HKDC1: variants seen among roughly 807,000 people sequenced by gnomAD.
HKDC1 encodes the protein hexokinase HKDC1.
In HKDC1, 66 loss-of-function variants were observed where a neutral mutation model predicts 96.6. The observed-to-expected ratio is 0.68, with a 90% CI of 0.56 to 0.84. HKDC1 has a LOEUF of 0.84. Ranked by LOEUF, HKDC1 falls within the 40% of genes least tolerant of loss-of-function variation. The pLI is 0.00. For synonymous variants in HKDC1, 466 were observed against 473.1 expected, an observed-to-expected ratio of 0.98 and a Z score of 0.20; for missense variants, 1,211 against 1,208.1, an observed-to-expected ratio of 1.00 and a Z score of -0.04.
At chr10:69,245,325 C>T (rs1004973340) in intron 7 of HKDC1, among the ~76,000 whole-genome samples, 2 of 152,082 alleles carry the variant, frequency 1.3e-5, no homozygotes, top group African/African-American at 2.4e-5. Flanking sequence ...TGGCTCTTAT[C>T]TGTAATTCCA....
At chr10:69,260,483 A>T (rs535427135) in intron 15 of HKDC1, among the ~76,000 whole-genome samples, 1 of 152,266 alleles carries the variant, frequency 6.6e-6, no homozygotes, top group South Asian at 2.1e-4. Flanking sequence ...AGGGGGCAGC[A>T]CCTTTGAACT....
At position 69,258,901 on chromosome 10, in the gene HKDC1, A is replaced by G. The variant is rs199869181; in HGVS notation, c.2158A>G (p.Ile720Val). Residue 720 changes from isoleucine to valine, a missense_variant, in exon 15 of 18, where the codon ATC becomes GTC. Ile to Val is a conservative substitution (Grantham distance 29, BLOSUM62 3). Transcript: ENST00000354624. ...TGGAGACAATGGCTGCATAGATGAC[A>G]TCTGGACCCGATACGACACGGAGGT... ...GFGDNGCIDD[I>V]WTRYDTEVDE... 10 of 1,610,812 alleles carry G rather than the reference A, an allele frequency of 6.2e-6. No individual in the cohort carries two copies. The East Asian group carries it at 1.3e-4, about 22-fold the overall frequency.
rs1843865912 is a variant in HKDC1 at position 69,264,766 on chromosome 10, GTCTT to G, written c.2373-814_2373-811del. ...TGGTCATATAGGTTGTTTCTCAATTGTCTTTCTTGATAACACTCTTCTTCTCTAA... is the reference window on the plus strand; with the variant it reads ...TGGTCATATAGGTTGTTTCTCAATTGTCTTGATAACACTCTTCTTCTCTAA... On this transcript the variant is annotated intron_variant, in intron 16 of 17. Coordinates refer to ENST00000354624, the MANE Select transcript of HKDC1 (RefSeq NM_025130.4). Among the ~76,000 whole-genome samples the G allele has an allele frequency of 2.0e-5, 3 of 152,178 alleles. No homozygotes were observed. In the South Asian group the frequency reaches 6.2e-4, roughly 32 times the overall value.
At position 69,247,266 on chromosome 10, in the gene HKDC1, T is replaced by C. The variant is rs553949231; in HGVS notation, c.1032-94T>C. 20 of 820,988 alleles carry C rather than the reference T, an allele frequency of 2.4e-5. No homozygotes were observed. The East Asian group carries it at 3.2e-4, about 13-fold the overall frequency. The allele number at this position is 820,988 out of a possible 1,614,324, so 50.9% of individuals were successfully genotyped here. Reference sequence around the variant, plus strand: ...CTATACCATGGACCTGCCTATTAATTTTCACAATCCTGAGAGGTGGAGAAG... The same window carrying C: ...CTATACCATGGACCTGCCTATTAATCTTCACAATCCTGAGAGGTGGAGAAG... On this transcript the variant is annotated intron_variant, in intron 8 of 17. Transcript: ENST00000354624.
intron 7 of HKDC1, among the ~76,000 whole-genome samples, chr10:69,243,980 C>T (rs756920564): frequency 3.3e-5 from 5 of 152,026 alleles, no homozygotes; most frequent in African/African-American, 1.2e-4. Context: ...AGCACTCGGA[C>T]GCTTGGCCGC....
In HKDC1 at chr10:69,261,238, A is replaced by G. The variant is rs1340829607; in HGVS notation, c.2316A>G (p.Ser772=). 2 of 1,614,182 alleles carry G rather than the reference A, an allele frequency of 1.2e-6. No individual in the cohort carries two copies. Among genetic ancestry groups the G allele is most frequent in the South Asian group, 1.1e-5 (1 of 91,078 alleles). ...GTCTCCTCTTCCGAGGGCAGATTTC[A>G]GAGCGTCTCCGGACCAGGGGCATCT... is the stretch of plus-strand genomic sequence containing the variant. ...KQGLLFRGQI[S]ERLRTRGIFE... is the part of the protein sequence containing the mutation. Residue 772 remains serine, a synonymous_variant, in exon 16 of 18, where the codon TCA becomes TCG. Transcript: ENST00000354624.
In HKDC1 at chr10:69,257,018, TC is replaced by T. The variant is rs1279057400; in HGVS notation, c.1837-14del. ...TAGCAAACTATTGCTCAAATGAATT[TC>T]CCCTCCTTTCTTTCAGGGAACACTC... On this transcript the variant is annotated splice_polypyrimidine_tract_variant and intron_variant, in intron 12 of 17. Coordinates refer to ENST00000354624, the MANE Select transcript of HKDC1 (RefSeq NM_025130.4). The T allele has an allele frequency of 6.3e-7, 1 of 1,597,524 alleles. No individual in the cohort carries two copies. Among genetic ancestry groups the T allele is most frequent in the Admixed American group, 1.7e-5 (1 of 59,994 alleles).
intron 17 of HKDC1, 26 bp downstream of exon 17, chr10:69,265,844 G>A: frequency 1.3e-6 from 2 of 1,554,864 alleles, no homozygotes; most frequent in African/African-American, 1.4e-5. Context: ...AGGCGTGGCG[G>A]GTGGGGCTGG....
At chr10:69,246,377 T>C in intron 8 of HKDC1, 143 bp downstream of exon 8, 1 of 842,814 alleles carries the variant, frequency 1.2e-6, no homozygotes, top group Non-Finnish European at 1.8e-6. Context: ...TGGCTTCAGA[T>C]GGGTTAGCAA....
At chr10:69,233,185 G>A (rs759442561) in intron 4 of HKDC1, 52 bp downstream of exon 4, 1 of 1,608,412 alleles carries the variant, frequency 6.2e-7, no homozygotes, top group Non-Finnish European at 8.5e-7. Context: ...GGGGAATGTG[G>A]GCACGGGTGG....
chr10:69,238,132 C>T (rs4746829), intron 4 of HKDC1, among the ~76,000 whole-genome samples: 53,434 of 152,144 alleles, frequency 0.35, 10,515 homozygotes, highest in South Asian at 0.47. Flanking sequence ...TATTAAGAGA[C>T]GAGGTCTCGC....
intron 1 of HKDC1, among the ~76,000 whole-genome samples, chr10:69,223,408 T>A (rs989417835): frequency 1.3e-5 from 2 of 152,176 alleles, no homozygotes; most frequent in Admixed American, 6.5e-5. Context: ...CACTTACTGT[T>A]ACAGTGTAAC....
intron 16 of HKDC1, among the ~76,000 whole-genome samples, chr10:69,262,372 A>G (rs1033215480): frequency 3.3e-5 from 5 of 152,128 alleles, no homozygotes; most frequent in Admixed American, 2.6e-4. Context: ...CCTTAGTAGT[A>G]GAAACATTTG....
At chr10:69,234,036 C>T (rs1207357240) in intron 4 of HKDC1, among the ~76,000 whole-genome samples, 1 of 151,996 alleles carries the variant, frequency 6.6e-6, no homozygotes, top group East Asian at 1.9e-4. Flanking sequence ...TCTCAGTTTT[C>T]AATCTGTAAG....
At chr10:69,241,379 C>T (rs1457366319) in intron 6 of HKDC1, among the ~76,000 whole-genome samples, 1 of 152,156 alleles carries the variant, frequency 6.6e-6, no homozygotes, top group East Asian at 1.9e-4. Flanking sequence ...GCAGATTGCA[C>T]AGGATGTGCA....
rs1249425542 is a variant in HKDC1 at position 69,250,258 on chromosome 10, A to G, written c.1571-32A>G. ...CAATGCCCCGACACAAGTCCCTGTC[A>G]TGGAATGCAGCTGCTGCTTTCTCCA... On this transcript the variant is annotated intron_variant, in intron 10 of 17. Coordinates refer to ENST00000354624, the MANE Select transcript of HKDC1 (RefSeq NM_025130.4). The G allele has an allele frequency of 5.0e-6, 8 of 1,599,384 alleles. No homozygotes were observed. In the East Asian group the frequency reaches 1.1e-4, roughly 22 times the overall value.
At chr10:69,250,180 G>A in intron 10 of HKDC1, 110 bp from the exon 11 acceptor site, 3 of 1,226,388 alleles carry the variant, frequency 2.4e-6, no homozygotes, top group African/African-American at 1.5e-5. Context: ...GGTCTATGAG[G>A]CCCAGGAGTG....
chr10:69,229,242 C>CAAA (rs1564725202), intron 2 of HKDC1, among the ~76,000 whole-genome samples: 1 of 152,180 alleles, frequency 6.6e-6, no homozygotes, highest in Non-Finnish European at 1.5e-5. Context: ...TGGGATCAGT[C>CAAA]GTGTTCTGGA....
intron 16 of HKDC1, 114 bp downstream of exon 16, chr10:69,261,408 G>T (rs1335665656): frequency 6.3e-6 from 6 of 954,264 alleles, no homozygotes; most frequent in Non-Finnish European, 9.5e-6. Context: ...GGCTGGGTAA[G>T]GGATTGCCTC....
Sources: gnomAD v4.1 joint callset for allele counts (sites outside exome capture counted in the v4.1 genomes callset) on GRCh38, gnomAD v4.1.1 for gene constraint, MANE v1.5 for transcripts, NCBI Gene and HGNC (gene_info 2026-07-23, HGNC 2026-07-21) for gene names.